Variants in ZCWPW2 observed in about 807,000 individuals in gnomAD.
ZCWPW2 encodes the protein zinc finger CW-type and PWWP domain containing 2.
ZCWPW2 carries 45 observed loss-of-function variants against 46.6 expected under a neutral mutation model. The ratio of observed to expected loss-of-function variants is 0.96; its 90% CI spans 0.76 to 1.24. The LOEUF (loss-of-function observed/expected upper bound fraction) is 1.24, where lower values mean the gene tolerates loss of function less well. Among genes scored for constraint, ZCWPW2 ranks in the 50% most tolerant of loss-of-function variants. The pLI, the probability that ZCWPW2 is intolerant of heterozygous loss-of-function variation, is 0.00. For synonymous variants in ZCWPW2, 152 were observed against 137.1 expected (o/e 1.11, Z -0.76); for missense variants, 429 against 403.9 (o/e 1.06, Z -0.53).
intron 1 of ZCWPW2, among the ~76,000 whole-genome samples, chr3:28,356,243 A>G (rs906569010): frequency 6.6e-6 from 1 of 152,364 alleles, no homozygotes; most frequent in African/African-American, 2.4e-5. Context: ...CAAAGGACAC[A>G]TGGAAAAATG....
intron 1 of ZCWPW2, among the ~76,000 whole-genome samples, chr3:28,372,654 G>A (rs903184069): frequency 6.6e-6 from 1 of 152,230 alleles, no homozygotes; most frequent in East Asian, 1.9e-4. Context: ...GGATACAAGT[G>A]CAGTTTTGTT....
intron 1 of ZCWPW2, among the ~76,000 whole-genome samples, chr3:28,356,159 AAAT>A (rs1182113407): frequency 1.3e-5 from 2 of 152,208 alleles, no homozygotes; most frequent in African/African-American, 2.4e-5. Context: ...TTACAAGAAA[AAAT>A]CAAACAACCT....
intron 1 of ZCWPW2, among the ~76,000 whole-genome samples, chr3:28,383,569 C>A (rs546844846): frequency 6.7e-6 from 1 of 150,232 alleles, no homozygotes; most frequent in South Asian, 2.1e-4. Context: ...TTTTTTTCTA[C>A]TTTATAAGTA....
chr3:28,521,893 G>A (rs1449144810), intron 9 of ZCWPW2, among the ~76,000 whole-genome samples: 1 of 152,128 alleles, frequency 6.6e-6, no homozygotes, highest in Non-Finnish European at 1.5e-5. Context: ...AGTCAAGAGA[G>A]CATATTGACA....
chr3:28,393,847 G>A (rs945041258), intron 2 of ZCWPW2, among the ~76,000 whole-genome samples: 1 of 152,022 alleles, frequency 6.6e-6, no homozygotes. Context: ...AGTGGGGAAA[G>A]GTCTAACGTT....
At chr3:28,440,837 A>C (rs1371903275) in intron 4 of ZCWPW2, among the ~76,000 whole-genome samples, 1 of 152,170 alleles carries the variant, frequency 6.6e-6, no homozygotes, top group Non-Finnish European at 1.5e-5. Flanking sequence ...ATCCAGAGTA[A>C]GTGTCTAGTC....
In ZCWPW2 at chr3:28,348,950, A is replaced by G. The variant is rs960882625; in HGVS notation, c.-387A>G. The G allele has an allele frequency of 1.5e-5, 15 of 985,336 alleles. No homozygotes were observed. The African/African-American group carries it at 2.3e-4, about 15-fold the overall frequency. 61.0% of individuals were successfully genotyped at this position (985,336 alleles called of 1,614,324 possible). ...CCGGAGGGAGGGGAAGCACTCCGGA[A>G]AGTGATTGGAAGTGTGGATGAGCTC... On this transcript the variant is annotated 5_prime_UTR_variant, in exon 1 of 10. Transcript: ENST00000383768.
intron 6 of ZCWPW2, among the ~76,000 whole-genome samples, chr3:28,504,049 A>T (rs1310077059): frequency 1.3e-5 from 2 of 151,858 alleles, no homozygotes; most frequent in East Asian, 1.9e-4. Context: ...TTCAAAAATT[A>T]TGCCAGGTGT....
At chr3:28,499,912 C>T (rs1428237272) in intron 6 of ZCWPW2, among the ~76,000 whole-genome samples, 4 of 151,720 alleles carry the variant, frequency 2.6e-5, no homozygotes, top group Admixed American at 1.3e-4. Flanking sequence ...TTTTGTAGTT[C>T]CTTTTCTGTA....
At chr3:28,430,462 A>T (rs771480696) in intron 3 of ZCWPW2, among the ~76,000 whole-genome samples, 1 of 152,226 alleles carries the variant, frequency 6.6e-6, no homozygotes, top group Non-Finnish European at 1.5e-5. Flanking sequence ...TATAGACAGA[A>T]GGGACTTGCC....
chr3:28,474,586 C>CGTGT (rs71087699), intron 4 of ZCWPW2, among the ~76,000 whole-genome samples: 15,249 of 135,874 alleles, frequency 0.11, 995 homozygotes, highest in African/African-American at 0.17. Context: ...TTAAATACAG[C>CGTGT]GTGTGTGTGT....
chr3:28,380,043 C>T (rs1183594198), intron 1 of ZCWPW2, among the ~76,000 whole-genome samples: 1 of 151,802 alleles, frequency 6.6e-6, no homozygotes, highest in Non-Finnish European at 1.5e-5. Context: ...AGTGCAGTGG[C>T]GTCATCTCGG....
intron 4 of ZCWPW2, among the ~76,000 whole-genome samples, chr3:28,437,318 C>A (rs1249415798): frequency 6.6e-6 from 1 of 152,120 alleles, no homozygotes; most frequent in Non-Finnish European, 1.5e-5. Flanking sequence ...TAAATTAATT[C>A]TTCTAAATTA....
intron 4 of ZCWPW2, among the ~76,000 whole-genome samples, chr3:28,470,117 C>A (rs1225044072): frequency 6.6e-6 from 1 of 152,064 alleles, no homozygotes. Flanking sequence ...AAATAAATAA[C>A]AAGAAGAGTT....
At position 28,493,607 on chromosome 3, in the gene ZCWPW2, C is replaced by T. The variant is rs1338758768; in HGVS notation, c.657+1434C>T. ...CTATTGTGAATAATGCCGCAATAAA[C>T]ATACGTGTGCATGTGTCTTTATAGC... On this transcript the variant is annotated intron_variant, in intron 6 of 9. Transcript: ENST00000383768. Among the ~76,000 whole-genome samples the T allele has an allele frequency of 4.1e-5, 4 of 97,430 alleles. 1 individual carries two copies. Among genetic ancestry groups the T allele is most frequent in the Non-Finnish European group, 9.0e-5 (4 of 44,648 alleles). 63.9% of individuals were successfully genotyped at this position (97,430 alleles called of 152,430 possible).
intron 1 of ZCWPW2, among the ~76,000 whole-genome samples, chr3:28,381,659 C>T (rs1038677015): frequency 9.2e-5 from 14 of 152,050 alleles, no homozygotes; most frequent in African/African-American, 1.9e-4. Flanking sequence ...TGGTGGCACA[C>T]GGCTGTACTC....
intron 4 of ZCWPW2, among the ~76,000 whole-genome samples, chr3:28,453,177 C>G (rs1278272648): frequency 6.6e-6 from 1 of 152,204 alleles, no homozygotes; most frequent in Non-Finnish European, 1.5e-5. Context: ...ACAGGAAATA[C>G]TATATTTCAT....
intron 1 of ZCWPW2, among the ~76,000 whole-genome samples, chr3:28,357,005 GAA>G (rs953470058): frequency 6.7e-6 from 1 of 149,918 alleles, no homozygotes; most frequent in African/African-American, 2.5e-5. Context: ...AAGTATAATT[GAA>G]AAAAAAGAAA....
chr3:28,455,023 T>C (rs564690535), intron 4 of ZCWPW2, among the ~76,000 whole-genome samples: 6 of 152,340 alleles, frequency 3.9e-5, no homozygotes, highest in African/African-American at 1.4e-4. Context: ...CTAGGTCTAA[T>C]GGTATTTCTG....
Sources: allele counts gnomAD v4.1 joint callset (sites outside exome capture counted in the v4.1 genomes callset), GRCh38; gene constraint gnomAD v4.1.1; transcripts MANE v1.5; gene names NCBI Gene and HGNC (gene_info 2026-07-23, HGNC 2026-07-21).